C2orf76: variants seen among roughly 807,000 people sequenced by gnomAD.
C2orf76 encodes the protein UPF0538 protein C2orf76.
A neutral mutation model predicts 16.9 loss-of-function variants in C2orf76; 23 were observed. The observed-to-expected ratio is 1.36, with a 90% CI of 0.98 to 1.93. The LOEUF (loss-of-function observed/expected upper bound fraction) is 1.93. C2orf76 is among the 30% of genes most tolerant of loss of function. C2orf76 has a pLI of 0.00. For synonymous variants in C2orf76, 48 were observed against 52.3 expected, an observed-to-expected ratio of 0.92 and a Z score of 0.35; for missense variants, 152 against 152.6, an observed-to-expected ratio of 1.00 and a Z score of 0.02.
chr2:119,308,443 C>T (rs963129967), intron 5 of C2orf76, among the ~76,000 whole-genome samples: 1 of 152,088 alleles, frequency 6.6e-6, no homozygotes, highest in Non-Finnish European at 1.5e-5. Context: ...AGTTCGAGAC[C>T]AGCCTGGCCA....
At chr2:119,293,583 G>A in the C2orf76 span, among the ~76,000 whole-genome samples, 3 of 152,226 alleles carry the variant, frequency 2.0e-5, no homozygotes, top group Non-Finnish European at 4.4e-5. Flanking sequence ...AGGAAGAATT[G>A]TAGTGGGGTA....
Position 119,336,404 on chromosome 2 carries a change from A to T in C2orf76, c.133+3423T>A, listed in dbSNP as rs567230660. Among the ~76,000 whole-genome samples the T allele has an allele frequency of 2.6e-5, 4 of 152,060 alleles. No homozygotes were observed. The East Asian group carries it at 7.7e-4, about 29-fold the overall frequency. On this transcript the variant is annotated intron_variant, in intron 2 of 5. Transcript: ENST00000334816. Reference sequence around the variant, plus strand: ...GACTCTGTCTCAAAATAAATAAATAAATTTATCATACATCAGAAATAGGTT... The same window carrying T: ...GACTCTGTCTCAAAATAAATAAATATATTTATCATACATCAGAAATAGGTT...
At chr2:119,341,847 G>A (rs1680040955) in intron 1 of C2orf76, among the ~76,000 whole-genome samples, 1 of 152,104 alleles carries the variant, frequency 6.6e-6, no homozygotes, top group African/African-American at 2.4e-5. Context: ...AAATTACAAA[G>A]TCTAACAATA....
At chr2:119,318,256 C>T (rs544088549) in intron 3 of C2orf76, among the ~76,000 whole-genome samples, 11 of 152,134 alleles carry the variant, frequency 7.2e-5, no homozygotes, top group Non-Finnish European at 1.6e-4. Context: ...AGAAAGTTTC[C>T]GATTCTTCAC....
At chr2:119,351,223 AACACCACTC>A (rs1680391990) in intron 1 of C2orf76, among the ~76,000 whole-genome samples, 1 of 152,192 alleles carries the variant, frequency 6.6e-6, no homozygotes, top group Non-Finnish European at 1.5e-5. Context: ...ACTCACAGCC[AACACCACTC>A]ACAGCCTGCC....
At chr2:119,291,309 C>A in the C2orf76 span, among the ~76,000 whole-genome samples, 1 of 151,882 alleles carries the variant, frequency 6.6e-6, no homozygotes, top group South Asian at 2.1e-4. Context: ...ATTCTATTTC[C>A]TTGAACAAGC....
intron 1 of C2orf76, among the ~76,000 whole-genome samples, chr2:119,342,636 A>AG (rs1680070182): frequency 6.6e-6 from 1 of 152,076 alleles, no homozygotes; most frequent in Admixed American, 6.6e-5. Context: ...AAAAAAAAAA[A>AG]GAAAGGAGAC....
At chr2:119,351,759 CAA>C (rs111629177) in intron 1 of C2orf76, among the ~76,000 whole-genome samples, 2 of 141,232 alleles carry the variant, frequency 1.4e-5, no homozygotes. Flanking sequence ...GATCCTGTCT[CAA>C]AAAAAAAAAA....
chr2:119,349,680 G>T (rs1472641655), intron 1 of C2orf76, among the ~76,000 whole-genome samples: 1 of 151,952 alleles, frequency 6.6e-6, no homozygotes, highest in Non-Finnish European at 1.5e-5. Flanking sequence ...TCCCACAGAG[G>T]CTCCTTCAAG....
intron 2 of C2orf76, among the ~76,000 whole-genome samples, chr2:119,331,382 G>A (rs1251432666): frequency 1.3e-5 from 2 of 152,172 alleles, no homozygotes; most frequent in East Asian, 3.8e-4. Context: ...CAGCCCTGTA[G>A]GAGCTCCGAG....
intron 1 of C2orf76, among the ~76,000 whole-genome samples, chr2:119,346,010 G>A (rs554402184): frequency 2.1e-4 from 30 of 144,800 alleles, no homozygotes; most frequent in East Asian, 4.0e-4. Context: ...AGCAGAGATC[G>A]TGCCACTGCA....
chr2:119,352,571 A>T (rs1680439028), intron 1 of C2orf76, among the ~76,000 whole-genome samples: 1 of 152,260 alleles, frequency 6.6e-6, no homozygotes, highest in Admixed American at 6.5e-5. Flanking sequence ...AGCTGTAGCC[A>T]GTCAGACTAT....
chr2:119,320,524 G>T (rs1202089867), intron 3 of C2orf76, among the ~76,000 whole-genome samples: 4 of 151,362 alleles, frequency 2.6e-5, no homozygotes, highest in African/African-American at 9.7e-5. Context: ...CGAAGATTGT[G>T]ATTTCAAAGG....
chr2:119,282,534 G>A, the C2orf76 span, among the ~76,000 whole-genome samples: 1 of 152,190 alleles, frequency 6.6e-6, no homozygotes, highest in East Asian at 1.9e-4. Context: ...CTGGCTGGAG[G>A]GATGGGTAAG....
chr2:119,366,810 G>T lies in C2orf76; in HGVS notation c.-33C>A, dbSNP rs759066498. ...CCCACCTGTTCCCGGCGTCCCCTTC[G>T]GCTACTCCCGGCGTTTGCGCAAGCG... On this transcript the variant is annotated 5_prime_UTR_variant, in exon 1 of 6. Transcript: ENST00000334816. 1.7e-6 allele frequency: 1 copy of T among 581,180 alleles called. No homozygotes were observed. The highest frequency in any genetic ancestry group is 3.0e-6 in the Non-Finnish European group (1 of 328,764). The allele number at this position is 581,180 out of a possible 1,614,324, so 36.0% of individuals were successfully genotyped here. A position where few individuals can be genotyped will look rare whatever the true frequency, so the allele number is the denominator to read the frequency against.
At chr2:119,290,369 T>C in the C2orf76 span, among the ~76,000 whole-genome samples, 1 of 152,076 alleles carries the variant, frequency 6.6e-6, no homozygotes, top group Non-Finnish European at 1.5e-5. Flanking sequence ...CCTCAACAAA[T>C]ATACAGGGAC....
the C2orf76 span, among the ~76,000 whole-genome samples, chr2:119,291,589 TTGGAAAATAAAAAACGAGTCCTTCCC>T: frequency 2.0e-5 from 3 of 151,922 alleles, no homozygotes; most frequent in Non-Finnish European, 4.4e-5. Flanking sequence ...GAGAAGGTTC[TTGGAAAATAAAAAACGAGTCCTTCCC>T]TGGGTCCAAG....
intron 5 of C2orf76, 86 bp from the exon 6 acceptor site, chr2:119,302,634 G>A (rs1407641288): frequency 8.0e-6 from 6 of 747,196 alleles, no homozygotes; most frequent in East Asian, 3.2e-5. Context: ...ACTTTGATTC[G>A]GTATTTCAGA....
chr2:119,292,814 C>G, the C2orf76 span, among the ~76,000 whole-genome samples: 1 of 152,160 alleles, frequency 6.6e-6, no homozygotes, highest in African/African-American at 2.4e-5. Context: ...GCAGGCGGAT[C>G]ACCTGAAGTC....
Sources: allele counts gnomAD v4.1 joint callset (sites outside exome capture counted in the v4.1 genomes callset), GRCh38; gene constraint gnomAD v4.1.1; transcripts MANE v1.5; gene names NCBI Gene and HGNC (gene_info 2026-07-23, HGNC 2026-07-21).